HMGN2: variants seen among roughly 807,000 people sequenced by gnomAD.
HMGN2 encodes non-histone chromosomal protein HMG-17.
A neutral mutation model predicts 16.9 loss-of-function variants in HMGN2; 2 were observed. That is an observed-to-expected ratio of 0.12 (90% CI 0.05 to 0.37). The LOEUF (loss-of-function observed/expected upper bound fraction) is 0.37, where lower values mean the gene tolerates loss of function less well. HMGN2 is among the 10% of genes least tolerant of loss of function. The pLI, the probability that HMGN2 is intolerant of heterozygous loss-of-function variation, is 1.00. For synonymous variants in HMGN2, 31 were observed against 34.9 expected (o/e 0.89, Z 0.39); for missense variants, 90 against 106.0 (o/e 0.85, Z 0.66).
intron 1 of HMGN2, 90 bp downstream of exon 1, chr1:26,472,717 G>C (rs1570377200): frequency 8.1e-7 from 1 of 1,229,232 alleles, no homozygotes; most frequent in African/African-American, 1.6e-5. Context: ...AATCGGCGCC[G>C]AGCAGGAGCC....
At chr1:26,473,221 A>C (rs1166233621) in intron 1 of HMGN2, 1 of 496,372 alleles carries the variant, frequency 2.0e-6, no homozygotes, top group Non-Finnish European at 3.6e-6. Flanking sequence ...CGCCATCTGC[A>C]GCTGTTGCTC....
Position 26,475,205 on chromosome 1 carries a change from A to AT in HMGN2, c.*63dup, listed in dbSNP as rs1337749940. 2 of 1,073,604 alleles carry AT rather than the reference A, an allele frequency of 1.9e-6. No individual in the cohort carries two copies. The highest frequency in any genetic ancestry group is 1.4e-6 in the Non-Finnish European group (1 of 739,666). 66.5% of individuals were successfully genotyped at this position (1,073,604 alleles called of 1,614,324 possible). A position where few individuals can be genotyped will look rare whatever the true frequency, so the allele number is the denominator to read the frequency against. On this transcript the variant is annotated 3_prime_UTR_variant, in exon 6 of 6. Transcript: ENST00000361427. The stretch of plus-strand genomic sequence containing the variant: ...TGGTGACTGTACAGTTTGAAATACT[A>AT]TTTTTTATCAAGTTTTATAAAAATG...
In HMGN2 at chr1:26,475,847, C is replaced by T; in HGVS notation, c.*699C>T. 1 of 300,306 alleles carries T rather than the reference C, an allele frequency of 3.3e-6. No individual in the cohort carries two copies. Among genetic ancestry groups the T allele is most frequent in the Non-Finnish European group, 6.6e-6 (1 of 150,492 alleles). The allele number at this position is 300,306 out of a possible 1,614,324, so 18.6% of individuals were successfully genotyped here. A position where few individuals can be genotyped will look rare whatever the true frequency, so the allele number is the denominator to read the frequency against. On this transcript the variant is annotated 3_prime_UTR_variant, in exon 6 of 6. Coordinates refer to ENST00000361427, the MANE Select transcript of HMGN2 (RefSeq NM_005517.4). ...AGTGGCTTTCTGATTTTTGGTAGTC[C>T]ATTGAAGAAGGGAGTTTGAAAGTTG...
intron 1 of HMGN2, chr1:26,473,057 G>C (rs917485971): frequency 4.3e-6 from 1 of 232,202 alleles, no homozygotes; most frequent in Non-Finnish European, 8.4e-6. Context: ...GGGCTTGTGC[G>C]GTATGGCCCC....
rs994908776 is a variant in HMGN2 at position 26,476,120 on chromosome 1, T to C, written c.*972T>C. On this transcript the variant is annotated 3_prime_UTR_variant, in exon 6 of 6. Coordinates refer to ENST00000361427, the MANE Select transcript of HMGN2 (RefSeq NM_005517.4). ...AGTCAGCTTCCAAAACACACAGTGC[T>C]AGGTGCAGTTAGGAAGGATTCCAGG... 9 of 159,684 alleles carry C rather than the reference T, an allele frequency of 5.6e-5. No individual in the cohort carries two copies. Among genetic ancestry groups the C allele is most frequent in the Admixed American group, 5.1e-4 (8 of 15,610 alleles). 9.9% of individuals were successfully genotyped at this position (159,684 alleles called of 1,614,324 possible).
At chr1:26,473,162 G>T in intron 1 of HMGN2, 1 of 348,104 alleles carries the variant, frequency 2.9e-6, no homozygotes, top group Non-Finnish European at 5.2e-6. Context: ...GCCCTCGACG[G>T]CTGCCATAGC....
At chr1:26,473,074 T>A in intron 1 of HMGN2, 1 of 231,558 alleles carries the variant, frequency 4.3e-6, no homozygotes, top group Non-Finnish European at 8.4e-6. Flanking sequence ...CCCCGCCCCC[T>A]CGCCCACGTT....
chr1:26,473,638 A>G (rs1411362787), intron 2 of HMGN2, 65 bp from the exon 3 acceptor site: 5 of 1,585,504 alleles, frequency 3.2e-6, no homozygotes, highest in Admixed American at 3.3e-5. Flanking sequence ...TCTAGAGCAA[A>G]TTGATACCAA....
Position 26,475,177 on chromosome 1 carries a change from T to C in HMGN2, c.*29T>C, listed in dbSNP as rs1309719439. 2 of 1,380,108 alleles carry C rather than the reference T, an allele frequency of 1.4e-6. No individual in the cohort carries two copies. The highest frequency in any genetic ancestry group is 2.1e-6 in the Non-Finnish European group (2 of 971,202). The allele number at this position is 1,380,108 out of a possible 1,614,324, so 85.5% of individuals were successfully genotyped here. On this transcript the variant is annotated 3_prime_UTR_variant, in exon 6 of 6. Transcript: ENST00000361427. ...GTGTGCATTTTTGATAACTGTGTAC[T>C]TCTGGTGACTGTACAGTTTGAAATA...
chr1:26,473,999 C>T (rs114289390), intron 3 of HMGN2, 86 bp from the exon 4 acceptor site: 18,088 of 1,136,392 alleles, frequency 0.016, 199 homozygotes, highest in Non-Finnish European at 0.019. Flanking sequence ...ACTTCTCTAC[C>T]CTTGGTACTT....
chr1:26,472,935 C>T (rs1187180033), intron 1 of HMGN2, among the ~76,000 whole-genome samples: 1 of 152,028 alleles, frequency 6.6e-6, no homozygotes, highest in Non-Finnish European at 1.5e-5. Flanking sequence ...GGGCCCCTTC[C>T]CTCCCCTCCC....
At position 26,472,522 on chromosome 1, in the gene HMGN2, A is replaced by C; in HGVS notation, c.-91A>C. The C allele has an allele frequency of 6.9e-7, 1 of 1,450,042 alleles. No individual in the cohort carries two copies. The highest frequency in any genetic ancestry group is 9.3e-7 in the Non-Finnish European group (1 of 1,072,090). 89.8% of individuals were successfully genotyped at this position (1,450,042 alleles called of 1,614,324 possible). On this transcript the variant is annotated 5_prime_UTR_variant, in exon 1 of 6. Coordinates refer to ENST00000361427, the MANE Select transcript of HMGN2 (RefSeq NM_005517.4). ...CCGGAGCCCGAGCAGTGTGAAGAAG[A>C]GGCGAGAACGACCCCCGGACCGACC... is the stretch of plus-strand genomic sequence containing the variant.
At chr1:26,473,629 C>T in intron 2 of HMGN2, 74 bp from the exon 3 acceptor site, 9 of 1,567,048 alleles carry the variant, frequency 5.7e-6, no homozygotes, top group South Asian at 5.5e-5. Context: ...CTCCTATAAT[C>T]TAGAGCAAAT....
chr1:26,473,822 G>C, intron 3 of HMGN2, 90 bp downstream of exon 3: 2 of 1,343,990 alleles, frequency 1.5e-6, no homozygotes, highest in Non-Finnish European at 2.1e-6. Flanking sequence ...ATTATGGTTA[G>C]TGCCTGGTTT....
chr1:26,472,561 C>T lies in HMGN2; in HGVS notation c.-52C>T, dbSNP rs1064616. 5 of 1,534,766 alleles carry T rather than the reference C, an allele frequency of 3.3e-6. No homozygotes were observed. The highest frequency in any genetic ancestry group is 1.2e-5 in the South Asian group (1 of 84,228). ...CCCGGACCGACCAAAGCCCGCGCGC[C>T]GCTGCATCCCGCGTCCAGCACCTAC... On this transcript the variant is annotated 5_prime_UTR_variant, in exon 1 of 6. Coordinates refer to ENST00000361427, the MANE Select transcript of HMGN2 (RefSeq NM_005517.4).
At chr1:26,474,543 A>C (rs375120209) in intron 4 of HMGN2, 29 bp from the exon 5 acceptor site, 1 of 1,055,770 alleles carries the variant, frequency 9.5e-7, no homozygotes, top group African/African-American at 1.6e-5. Context: ...AAATGGGGAG[A>C]AACAGTTCTA....
Position 26,475,150 on chromosome 1 carries a change from G to T in HMGN2, c.*2G>T. 1.2e-6 allele frequency: 2 copies of T among 1,600,364 alleles called. No homozygotes were observed. The highest frequency in any genetic ancestry group is 1.1e-5 in the South Asian group (1 of 90,740). On this transcript the variant is annotated 3_prime_UTR_variant, in exon 6 of 6. Coordinates refer to ENST00000361427, the MANE Select transcript of HMGN2 (RefSeq NM_005517.4). ...GAAGGTGCTGGAGATGCCAAGTGAA[G>T]TGTGTGCATTTTTGATAACTGTGTA... is the stretch of plus-strand genomic sequence containing the variant.
At chr1:26,472,770 G>A in intron 1 of HMGN2, 143 bp downstream of exon 1, 1 of 729,536 alleles carries the variant, frequency 1.4e-6, no homozygotes, top group Non-Finnish European at 2.1e-6. Flanking sequence ...GTGTCGGGCA[G>A]CTCGGGGCTA....
chr1:26,473,781 C>G, intron 3 of HMGN2, 49 bp downstream of exon 3: 1 of 1,545,188 alleles, frequency 6.5e-7, no homozygotes, highest in Non-Finnish European at 8.9e-7. Context: ...AACTAAAAAA[C>G]ATCAAAAAAC....
Sources: allele counts gnomAD v4.1 joint callset (sites outside exome capture counted in the v4.1 genomes callset), GRCh38; gene constraint gnomAD v4.1.1; transcripts MANE v1.5; gene names NCBI Gene and HGNC (gene_info 2026-07-23, HGNC 2026-07-21).